Variants in PLA2G2C observed in about 807,000 individuals in gnomAD.
PLA2G2C encodes phospholipase A2 group IIC.
PLA2G2C carries 15 observed loss-of-function variants against 14.3 expected under a neutral mutation model. The ratio of observed to expected loss-of-function variants is 1.05; its 90% CI spans 0.70 to 1.62. PLA2G2C has a LOEUF of 1.62. Ranked by LOEUF, PLA2G2C falls within the 40% of genes most tolerant of loss-of-function variation. The probability of loss-of-function intolerance (pLI) is 0.00; values close to 1 mark genes in which losing one functional copy is unlikely to be tolerated. For synonymous variants in PLA2G2C, 79 were observed against 67.7 expected (o/e 1.17, Z -0.82); for missense variants, 162 against 173.2 (o/e 0.94, Z 0.36).
chr1:20,170,703 G>GT (rs1553183841), intron 4 of PLA2G2C, among the ~76,000 whole-genome samples: 5 of 143,194 alleles, frequency 3.5e-5, no homozygotes, highest in South Asian at 5.1e-4. Context: ...CTGAGGAGGC[G>GT]GGTGCTGATG....
intron 4 of PLA2G2C, among the ~76,000 whole-genome samples, chr1:20,166,309 C>T (rs925262831): frequency 1.3e-5 from 2 of 152,202 alleles, no homozygotes; most frequent in Non-Finnish European, 2.9e-5. Context: ...TCCTGCCCTC[C>T]CTGCTCGCCC....
At chr1:20,170,704 G>GCCTGAGAAGGACCACACCAGA (rs1264350969) in intron 4 of PLA2G2C, among the ~76,000 whole-genome samples, 19 of 95,836 alleles carry the variant, frequency 2.0e-4, no homozygotes, top group African/African-American at 3.5e-4. Flanking sequence ...TGAGGAGGCG[G>GCCTGAGAAGGACCACACCAGA]GTGCTGATGC....
At chr1:20,174,919 G>T in intron 3 of PLA2G2C, 88 bp downstream of exon 3, 1 of 1,301,662 alleles carries the variant, frequency 7.7e-7, no homozygotes, top group Non-Finnish European at 1.0e-6. Flanking sequence ...TATTTGCCAG[G>T]CAAGAATCCT....
At chr1:20,180,068 T>C (rs1350946807) in intron 1 of PLA2G2C, among the ~76,000 whole-genome samples, 1 of 151,938 alleles carries the variant, frequency 6.6e-6, no homozygotes, top group Non-Finnish European at 1.5e-5. Context: ...ATGTGTCAGC[T>C]TCTCCCTCTG....
At chr1:20,170,845 C>T (rs1023468372) in intron 4 of PLA2G2C, among the ~76,000 whole-genome samples, 1 of 141,698 alleles carries the variant, frequency 7.1e-6, no homozygotes, top group African/African-American at 2.7e-5. Context: ...GAAGAAAGTA[C>T]AGCCCAGGCC....
intron 1 of PLA2G2C, among the ~76,000 whole-genome samples, chr1:20,180,418 T>C (rs898595871): frequency 2.6e-5 from 4 of 152,196 alleles, no homozygotes; most frequent in African/African-American, 9.7e-5. Context: ...TGCTCCTGTT[T>C]ACTCCTCACT....
chr1:20,171,848 G>A (rs1248151128), intron 4 of PLA2G2C, among the ~76,000 whole-genome samples: 1 of 139,726 alleles, frequency 7.2e-6, no homozygotes, highest in East Asian at 2.2e-4. Context: ...TGCAAGCTCC[G>A]CCTCCCGGGT....
rs1557788813 is a variant in PLA2G2C, at chr1:20,177,376, CA to C, written c.-14del. On this transcript the variant is annotated 5_prime_UTR_variant, in exon 2 of 5. Transcript: ENST00000679259. ...CAATGACCTTCATTCCTGAGGAGAC[CA>C]GGGGGTCTGAGGTTCTACAGCCACG... 1 of 694,770 alleles carries C rather than the reference CA, an allele frequency of 1.4e-6. No homozygotes were observed. Among genetic ancestry groups the C allele is most frequent in the Admixed American group, 2.1e-5 (1 of 48,700 alleles). 43.0% of individuals were successfully genotyped at this position (694,770 alleles called of 1,614,324 possible).
chr1:20,163,975 G>A lies in PLA2G2C; in HGVS notation c.*16C>T, dbSNP rs774735008. On this transcript the variant is annotated 3_prime_UTR_variant, in exon 5 of 5. Coordinates refer to ENST00000679259, the MANE Select transcript of PLA2G2C (RefSeq NM_001367969.2). ...TAGAGCGGATGCTGGATGATGAGAGGGACCCTGTGGTGTCCCTAGCACCAG... is the reference window on the plus strand; with the variant it reads ...TAGAGCGGATGCTGGATGATGAGAGAGACCCTGTGGTGTCCCTAGCACCAG... 1.0e-5 allele frequency: 16 copies of A among 1,607,676 alleles called. No homozygotes were observed. The Admixed American group carries it at 1.9e-4, about 19-fold the overall frequency.
chr1:20,175,286 G>T, intron 2 of PLA2G2C, 141 bp from the exon 3 acceptor site: 1 of 1,214,842 alleles, frequency 8.2e-7, no homozygotes, highest in Non-Finnish European at 1.2e-6. Flanking sequence ...GGCATGGCTG[G>T]AATCACCAGC....
intron 4 of PLA2G2C, among the ~76,000 whole-genome samples, chr1:20,171,711 C>A (rs753367334): frequency 1.3e-5 from 2 of 151,412 alleles, no homozygotes; most frequent in Non-Finnish European, 2.9e-5. Context: ...TGCAACCCCA[C>A]GAGGCCAGGC....
intron 1 of PLA2G2C, among the ~76,000 whole-genome samples, chr1:20,180,752 C>T (rs940475343): frequency 2.0e-5 from 3 of 152,194 alleles, no homozygotes; most frequent in African/African-American, 7.2e-5. Context: ...GCACAGGACC[C>T]GAGGGCCCGA....
chr1:20,173,317 C>T (rs1054535067), intron 3 of PLA2G2C, among the ~76,000 whole-genome samples: 30 of 151,874 alleles, frequency 2.0e-4, no homozygotes, highest in Non-Finnish European at 2.9e-5. Context: ...CCCCGTCTCC[C>T]AAAAAATAAA....
chr1:20,178,581 T>A (rs1257931496), intron 1 of PLA2G2C, among the ~76,000 whole-genome samples: 1 of 152,210 alleles, frequency 6.6e-6, no homozygotes, highest in East Asian at 1.9e-4. Context: ...GGATGTTTTT[T>A]AATTAGGTTC....
chr1:20,184,714 G>C (rs554866844), intron 1 of PLA2G2C: 2 of 152,488 alleles, frequency 1.3e-5, no homozygotes, highest in East Asian at 3.9e-4. Context: ...GATGGCAGAA[G>C]GCTGAGGAAG....
intron 4 of PLA2G2C, among the ~76,000 whole-genome samples, chr1:20,170,921 G>A (rs543218655): frequency 7.1e-6 from 1 of 141,790 alleles, no homozygotes; most frequent in Non-Finnish European, 1.5e-5. Context: ...CAGTGCCACT[G>A]CCTGGGGCTC....
At chr1:20,164,281 G>T in intron 4 of PLA2G2C, 124 bp from the exon 5 acceptor site, 2 of 953,126 alleles carry the variant, frequency 2.1e-6, no homozygotes, top group Non-Finnish European at 3.1e-6. Flanking sequence ...GAAAGCCACT[G>T]AAAGGGATAC....
At chr1:20,176,661 C>G (rs1037259133) in intron 2 of PLA2G2C, among the ~76,000 whole-genome samples, 3 of 152,220 alleles carry the variant, frequency 2.0e-5, no homozygotes, top group Non-Finnish European at 4.4e-5. Context: ...AGTGTAAATT[C>G]CACCACTCAC....
intron 4 of PLA2G2C, among the ~76,000 whole-genome samples, chr1:20,169,813 C>T (rs144675459): frequency 4.6e-5 from 7 of 152,292 alleles, no homozygotes; most frequent in South Asian, 2.1e-4. Flanking sequence ...CAGTGTTGCC[C>T]GACTCTGAGG....
Sources: gnomAD v4.1 joint callset for allele counts (sites outside exome capture counted in the v4.1 genomes callset) on GRCh38, gnomAD v4.1.1 for gene constraint, MANE v1.5 for transcripts, NCBI Gene and HGNC (gene_info 2026-07-23, HGNC 2026-07-21) for gene names.